Variants in STPG2 observed in about 807,000 individuals in gnomAD.
STPG2 encodes the protein sperm tail PG-rich repeat containing 2, also known as sperm-tail PG-rich repeat-containing protein 2.
A neutral mutation model predicts 54.2 loss-of-function variants in STPG2; 56 were observed. The observed-to-expected ratio is 1.03, with a 90% CI of 0.83 to 1.29. The LOEUF (loss-of-function observed/expected upper bound fraction) is 1.29. STPG2 is among the 50% of genes most tolerant of loss of function. STPG2 has a pLI of 0.00. For synonymous variants in STPG2, 200 were observed against 181.8 expected (o/e 1.10, Z -0.81); for missense variants, 596 against 544.9 (o/e 1.09, Z -0.93).
chr4:97,675,292 C>T (rs1261813184), intron 10 of STPG2, among the ~76,000 whole-genome samples: 1 of 152,014 alleles, frequency 6.6e-6, no homozygotes, highest in Non-Finnish European at 1.5e-5. Context: ...CATGAGCCAC[C>T]GCGCCTGGCC....
At chr4:98,060,870 G>C (rs1737630202) in intron 5 of STPG2, among the ~76,000 whole-genome samples, 1 of 152,102 alleles carries the variant, frequency 6.6e-6, no homozygotes, top group Non-Finnish European at 1.5e-5. Flanking sequence ...GCCTTATATA[G>C]AAGACTGCAA....
chr4:97,743,556 C>T (rs1725332035), intron 9 of STPG2, among the ~76,000 whole-genome samples: 1 of 151,554 alleles, frequency 6.6e-6, no homozygotes, highest in Admixed American at 6.6e-5. Context: ...GAGGACTAAT[C>T]TGAGGAAACA....
chr4:97,759,222 G>T (rs1192381065), intron 9 of STPG2, among the ~76,000 whole-genome samples: 1 of 152,040 alleles, frequency 6.6e-6, no homozygotes, highest in East Asian at 1.9e-4. Flanking sequence ...GCAGTGTGGT[G>T]GTACTTTGCC....
At chr4:97,751,640 T>G (rs1275941695) in intron 9 of STPG2, among the ~76,000 whole-genome samples, 2 of 151,812 alleles carry the variant, frequency 1.3e-5, no homozygotes, top group Non-Finnish European at 3.0e-5. Flanking sequence ...ATAGACAGTG[T>G]GAAGAGTATT....
chr4:98,141,518 A>G (rs1301148280), intron 1 of STPG2, among the ~76,000 whole-genome samples: 1 of 152,230 alleles, frequency 6.6e-6, no homozygotes, highest in East Asian at 1.9e-4. Flanking sequence ...GTCTTCAGAT[A>G]GACTCAACCA....
intron 4 of STPG2, among the ~76,000 whole-genome samples, chr4:97,492,215 A>C (rs1730517698): frequency 6.6e-6 from 1 of 151,562 alleles, no homozygotes; most frequent in East Asian, 1.9e-4. Context: ...TCGAAGAACT[A>C]CTTGTCTTCT....
chr4:97,456,935 A>G (rs1177351434), intron 4 of STPG2, among the ~76,000 whole-genome samples: 1 of 151,776 alleles, frequency 6.6e-6, no homozygotes, highest in East Asian at 1.9e-4. Flanking sequence ...AAGATGGGTA[A>G]AATACCTGAA....
intron 5 of STPG2, among the ~76,000 whole-genome samples, chr4:98,026,711 C>T (rs1335424119): frequency 2.6e-5 from 4 of 152,144 alleles, no homozygotes; most frequent in Non-Finnish European, 5.9e-5. Flanking sequence ...TGAACCATAG[C>T]TATGCCCTCT....
At chr4:97,715,994 A>G (rs1724274530) in intron 9 of STPG2, among the ~76,000 whole-genome samples, 1 of 152,248 alleles carries the variant, frequency 6.6e-6, no homozygotes, top group African/African-American at 2.4e-5. Flanking sequence ...AAACAAATGT[A>G]CAAGAAAAAA....
chr4:97,647,571 C>T (rs915249651), intron 10 of STPG2, among the ~76,000 whole-genome samples: 8 of 152,018 alleles, frequency 5.3e-5, no homozygotes, highest in African/African-American at 1.9e-4. Context: ...CCCTATCTTC[C>T]AGTTTGCTCC....
chr4:97,959,198 T>A (rs28867087), intron 7 of STPG2, among the ~76,000 whole-genome samples: 60,246 of 151,806 alleles, frequency 0.4, 12,097 homozygotes, highest in Middle Eastern at 0.47. Context: ...AATCTAACAA[T>A]ACCTTTGGGA....
intron 8 of STPG2, among the ~76,000 whole-genome samples, chr4:97,888,372 G>A (rs530754678): frequency 6.6e-6 from 1 of 152,338 alleles, no homozygotes; most frequent in South Asian, 2.1e-4. Flanking sequence ...GGGTGGAGCT[G>A]CCCAAGACCT....
rs115957228 is a variant in STPG2 at position 97,945,073 on chromosome 4, G to T, written c.934-1066C>A. On this transcript the variant is annotated intron_variant, in intron 7 of 10. Transcript: ENST00000295268. ...TTATTTTTATAATAATTTTTATTTCGATAGCTTTTGGGGTACAAGTGGTTT... is the reference window on the plus strand; with the variant it reads ...TTATTTTTATAATAATTTTTATTTCTATAGCTTTTGGGGTACAAGTGGTTT... Among the ~76,000 whole-genome samples the T allele has an allele frequency of 2.5e-3, 385 of 152,050 alleles. 3 individuals carry two copies. The highest frequency in any genetic ancestry group is 8.7e-3 in the African/African-American group (361 of 41,478).
intron 3 of STPG2, among the ~76,000 whole-genome samples, chr4:98,113,101 C>T (rs3896704): frequency 0.4 from 59,747 of 150,756 alleles, 12,059 homozygotes; most frequent in Middle Eastern, 0.46. Context: ...ACCTTTCTAA[C>T]AGAGTATAAC....
intron 9 of STPG2, among the ~76,000 whole-genome samples, chr4:97,762,892 A>T (rs1050402516): frequency 2.0e-5 from 3 of 152,158 alleles, no homozygotes; most frequent in Non-Finnish European, 4.4e-5. Context: ...CCTTTCTCTG[A>T]TATTTAAAGC....
intron 8 of STPG2, among the ~76,000 whole-genome samples, chr4:97,943,446 A>T (rs1242084795): frequency 6.6e-6 from 1 of 152,200 alleles, no homozygotes; most frequent in Non-Finnish European, 1.5e-5. Flanking sequence ...TTTATTTTAA[A>T]AAATGGAAAT....
At chr4:98,086,070 A>C (rs1738494007) in intron 5 of STPG2, among the ~76,000 whole-genome samples, 1 of 152,126 alleles carries the variant, frequency 6.6e-6, no homozygotes, top group Non-Finnish European at 1.5e-5. Flanking sequence ...AGTGGAGTAC[A>C]ATCCAAAAGA....
chr4:97,648,815 T>G (rs971028720), intron 10 of STPG2, among the ~76,000 whole-genome samples: 1 of 152,172 alleles, frequency 6.6e-6, no homozygotes, highest in African/African-American at 2.4e-5. Context: ...GTTGTATTAT[T>G]ATTGGTGATG....
chr4:97,709,606 T>G (rs1031935503), intron 10 of STPG2, among the ~76,000 whole-genome samples: 2 of 151,788 alleles, frequency 1.3e-5, no homozygotes, highest in African/African-American at 4.8e-5. Flanking sequence ...TTAAATTCAT[T>G]GAAGTTTCTT....
Sources: allele counts gnomAD v4.1 joint callset (sites outside exome capture counted in the v4.1 genomes callset), GRCh38; gene constraint gnomAD v4.1.1; transcripts MANE v1.5; gene names NCBI Gene and HGNC (gene_info 2026-07-23, HGNC 2026-07-21).